Variants in UBE2G1 observed in about 807,000 individuals in gnomAD.
UBE2G1 encodes the protein ubiquitin conjugating enzyme E2 G1, also known as ubiquitin-conjugating enzyme E2 G1.
UBE2G1 carries 5 observed loss-of-function variants against 22.7 expected under a neutral mutation model. The ratio of observed to expected loss-of-function variants is 0.22; its 90% CI spans 0.12 to 0.46. The LOEUF is 0.46. Among genes scored for constraint, UBE2G1 ranks in the 20% least tolerant of loss-of-function variants. UBE2G1 has a pLI of 0.99. For synonymous variants in UBE2G1, 74 were observed against 67.5 expected (o/e 1.10, Z -0.47); for missense variants, 88 against 203.9 (o/e 0.43, Z 3.46).
chr17:4,346,181 CTAAT>C (rs1328385061), intron 1 of UBE2G1, among the ~76,000 whole-genome samples: 1 of 152,102 alleles, frequency 6.6e-6, no homozygotes, highest in East Asian at 1.9e-4. Flanking sequence ...GCCTTTTACA[CTAAT>C]TAAATAAACA....
At chr17:4,337,351 A>AGAAAGAAAAG (rs1969661033) in intron 1 of UBE2G1, among the ~76,000 whole-genome samples, 1 of 151,244 alleles carries the variant, frequency 6.6e-6, no homozygotes, top group African/African-American at 2.4e-5. Flanking sequence ...AAAGAAAGAA[A>AGAAAGAAAAG]GAAAGAAAAG....
chr17:4,317,846 C>T (rs910684979), intron 1 of UBE2G1, among the ~76,000 whole-genome samples: 16 of 152,176 alleles, frequency 1.1e-4, no homozygotes, highest in African/African-American at 3.9e-4. Context: ...GCATCTCTGC[C>T]AAGATTTGTC....
At chr17:4,310,819 A>G (rs946638575) in intron 1 of UBE2G1, among the ~76,000 whole-genome samples, 9 of 152,186 alleles carry the variant, frequency 5.9e-5, no homozygotes, top group Non-Finnish European at 1.2e-4. Context: ...CCTCGAGTAT[A>G]TAGTAGTCGA....
chr17:4,273,814 C>T (rs1968788751), intron 5 of UBE2G1, among the ~76,000 whole-genome samples: 1 of 152,116 alleles, frequency 6.6e-6, no homozygotes, highest in African/African-American at 2.4e-5. Flanking sequence ...AACTCTGAAT[C>T]CATTGCCATG....
intron 1 of UBE2G1, among the ~76,000 whole-genome samples, chr17:4,353,812 ATTT>A (rs11437680): frequency 4.8e-5 from 5 of 104,820 alleles, no homozygotes; most frequent in Admixed American, 2.2e-4. Context: ...GCCCGGTCAA[ATTT>A]TTTTTTTTTT....
chr17:4,317,646 C>G (rs1567522290), intron 1 of UBE2G1, among the ~76,000 whole-genome samples: 1 of 152,204 alleles, frequency 6.6e-6, no homozygotes, highest in Non-Finnish European at 1.5e-5. Context: ...TGTCAATATG[C>G]TTCCCAAAGG....
Position 4,312,189 on chromosome 17 carries a change from T to C in UBE2G1, c.47-5066A>G, listed in dbSNP as rs141110177. On this transcript the variant is annotated intron_variant, in intron 1 of 5. Transcript: ENST00000396981. ...CAGGAGGCGGAGGTCACCGAGATCA[T>C]GCCACTGCACTCCAGCCTGGGCAAT... is the stretch of plus-strand genomic sequence containing the variant. 8.9e-3 allele frequency among the ~76,000 whole-genome samples: 1,335 copies of C among 150,194 alleles called. 23 individuals are homozygous for C. Among genetic ancestry groups the C allele is most frequent in the African/African-American group, 0.031 (1,247 of 40,790 alleles).
At chr17:4,315,432 T>G (rs985933492) in intron 1 of UBE2G1, among the ~76,000 whole-genome samples, 4 of 152,092 alleles carry the variant, frequency 2.6e-5, no homozygotes, top group Non-Finnish European at 5.9e-5. Context: ...ATTTTGTACT[T>G]GACTACTAAG....
At position 4,366,522 on chromosome 17, in the gene UBE2G1, G is replaced by A. The variant is rs1398045242; in HGVS notation, c.-206C>T. The A allele has an allele frequency of 4.5e-6, 2 of 442,636 alleles. No individual in the cohort carries two copies. The highest frequency in any genetic ancestry group is 4.5e-5 in the Admixed American group (1 of 22,094). The allele number at this position is 442,636 out of a possible 1,614,324, so 27.4% of individuals were successfully genotyped here. A position where few individuals can be genotyped will look rare whatever the true frequency, so the allele number is the denominator to read the frequency against. ...TTCAGCTCTTTTCACAGCGACTCAC[G>A]CCCGGAAGGGGAGGGTGCCCGGGCT... On this transcript the variant is annotated 5_prime_UTR_variant, in exon 1 of 6. Transcript: ENST00000396981.
In UBE2G1 at chr17:4,289,519, C is replaced by G. The variant is rs1333204746; in HGVS notation, c.248-111G>C. On this transcript the variant is annotated intron_variant, in intron 3 of 5. Transcript: ENST00000396981. Reference sequence around the variant, plus strand: ...CACAGTACCTTTATCAAACATGACACATACGCAGAAGTTAATGTCCAAAAT... The same window carrying G: ...CACAGTACCTTTATCAAACATGACAGATACGCAGAAGTTAATGTCCAAAAT... 5.8e-6 allele frequency: 7 copies of G among 1,205,820 alleles called. No individual in the cohort carries two copies. In the East Asian group the frequency reaches 1.9e-4, roughly 32 times the overall value. 74.7% of individuals were successfully genotyped at this position (1,205,820 alleles called of 1,614,324 possible). A position where few individuals can be genotyped will look rare whatever the true frequency, so the allele number is the denominator to read the frequency against.
At chr17:4,326,108 T>C (rs1358091543) in intron 1 of UBE2G1, among the ~76,000 whole-genome samples, 1 of 151,090 alleles carries the variant, frequency 6.6e-6, no homozygotes, top group Non-Finnish European at 1.5e-5. Flanking sequence ...AAAGAAAAAA[T>C]AAATGATCTG....
chr17:4,314,473 G>A (rs1969344933), intron 1 of UBE2G1, among the ~76,000 whole-genome samples: 1 of 152,070 alleles, frequency 6.6e-6, no homozygotes, highest in Non-Finnish European at 1.5e-5. Context: ...CAGGATGCTG[G>A]GAAACCATTT....
At chr17:4,302,773 TAG>T (rs1327952499) in intron 2 of UBE2G1, 2 of 186,130 alleles carry the variant, frequency 1.1e-5, no homozygotes, top group East Asian at 1.6e-4. Context: ...TTTAAAAATT[TAG>T]AGTTTAGTCA....
At chr17:4,318,559 T>TA (rs142833254) in intron 1 of UBE2G1, among the ~76,000 whole-genome samples, 5,629 of 152,320 alleles carry the variant, frequency 0.037, 382 homozygotes, top group African/African-American at 0.13. Context: ...TGCCCTTCTA[T>TA]AAACTTAGTT....
chr17:4,329,460 A>C (rs1435825564), intron 1 of UBE2G1, among the ~76,000 whole-genome samples: 1 of 151,698 alleles, frequency 6.6e-6, no homozygotes, highest in Non-Finnish European at 1.5e-5. Context: ...GGGGAGGCTG[A>C]GGCAGGAGGA....
Position 4,366,338 on chromosome 17 carries a change from C to G in UBE2G1, c.-22G>C. On this transcript the variant is annotated 5_prime_UTR_variant, in exon 1 of 6. Transcript: ENST00000396981. Reference sequence around the variant, plus strand: ...TCATCCTCCCTGCCGAGGGCCCGGGCTGGCGCCGGGGCTTCCGAAGGGCTG... The same window carrying G: ...TCATCCTCCCTGCCGAGGGCCCGGGGTGGCGCCGGGGCTTCCGAAGGGCTG... The G allele has an allele frequency of 6.5e-7, 1 of 1,531,752 alleles. No homozygotes were observed. Among genetic ancestry groups the G allele is most frequent in the Non-Finnish European group, 8.7e-7 (1 of 1,148,926 alleles). The allele number at this position is 1,531,752 out of a possible 1,614,324, so 94.9% of individuals were successfully genotyped here.
In UBE2G1 at chr17:4,366,272, T is replaced by C; in HGVS notation, c.45A>G (p.Ala15=). 1 of 1,554,576 alleles carries C rather than the reference T, an allele frequency of 6.4e-7. No individual in the cohort carries two copies. The change falls in exon 1 of 6, where the codon GCA becomes GCG. Residue 15 remains alanine, a splice_region_variant and synonymous_variant. Transcript: ENST00000396981. ...GCGCCCCGCCGCCCGCCTGCTCACC[T>C]GCCAGCTGTCTTCGCAGTAGCAGTG... ...QSALLLRRQL[A]ELNKNPVEGF... is the part of the protein sequence containing the mutation.
chr17:4,358,885 G>A (rs1303777647), intron 1 of UBE2G1, among the ~76,000 whole-genome samples: 1 of 151,918 alleles, frequency 6.6e-6, no homozygotes, highest in Non-Finnish European at 1.5e-5. Flanking sequence ...CAGGTGGCAA[G>A]AAGTTGCGGT....
At chr17:4,309,832 T>C (rs1333933339) in intron 1 of UBE2G1, among the ~76,000 whole-genome samples, 1 of 152,182 alleles carries the variant, frequency 6.6e-6, no homozygotes, top group Non-Finnish European at 1.5e-5. Flanking sequence ...CTGAAATTAG[T>C]ATACATGGTC....
Sources: gnomAD v4.1 joint callset for allele counts (sites outside exome capture counted in the v4.1 genomes callset) on GRCh38, gnomAD v4.1.1 for gene constraint, MANE v1.5 for transcripts, NCBI Gene and HGNC (gene_info 2026-07-23, HGNC 2026-07-21) for gene names.